The following RPA1 variants were observed in gnomAD, a reference collection of about 807,000 sequenced individuals.
The protein encoded by RPA1 is replication protein A 70 kDa DNA-binding subunit.
Under a neutral mutation model 83.0 loss-of-function variants are expected in RPA1, and 49 were observed. The observed-to-expected ratio is 0.59, with a 90% CI of 0.47 to 0.75. The LOEUF (loss-of-function observed/expected upper bound fraction) is 0.75. Ranked by LOEUF, RPA1 falls within the 30% of genes least tolerant of loss-of-function variation. The pLI, the probability that RPA1 is intolerant of heterozygous loss-of-function variation, is 0.00. For synonymous variants in RPA1, 279 were observed against 281.8 expected (o/e 0.99, Z 0.10); for missense variants, 693 against 776.1 (o/e 0.89, Z 1.27).
At chr17:1,838,149 G>A (rs1911893248) in intron 1 of RPA1, among the ~76,000 whole-genome samples, 1 of 151,454 alleles carries the variant, frequency 6.6e-6, no homozygotes, top group Non-Finnish European at 1.5e-5. Context: ...AAATTAGCTG[G>A]GCGTGGTGGC....
At position 1,830,381 on chromosome 17, in the gene RPA1, C is replaced by T. The variant is rs554436507; in HGVS notation, c.33+255C>T. ...AAACTAAATAAACGCTTGCCTTTCT[C>T]TGCATCTTCCACCTGCGGACACTTT... is the stretch of plus-strand genomic sequence containing the variant. On this transcript the variant is annotated intron_variant, in intron 1 of 16. Transcript: ENST00000254719. Among the ~76,000 whole-genome samples the T allele has an allele frequency of 7.9e-5, 12 of 152,366 alleles. No individual in the cohort carries two copies. In the South Asian group the frequency reaches 2.5e-3, roughly 32 times the overall value.
intron 5 of RPA1, among the ~76,000 whole-genome samples, chr17:1,868,222 A>G (rs1313242971): frequency 6.6e-6 from 1 of 152,060 alleles, no homozygotes; most frequent in Admixed American, 6.5e-5. Flanking sequence ...AGGATTACTT[A>G]CTCTCGAATT....
chr17:1,886,916 T>C (rs1914015864), intron 13 of RPA1, among the ~76,000 whole-genome samples: 1 of 152,036 alleles, frequency 6.6e-6, no homozygotes, highest in Non-Finnish European at 1.5e-5. Flanking sequence ...TGCCTCTGCC[T>C]CCCAAAGTGC....
At chr17:1,856,417 T>G (rs1303894223) in intron 5 of RPA1, among the ~76,000 whole-genome samples, 1 of 151,714 alleles carries the variant, frequency 6.6e-6, no homozygotes, top group African/African-American at 2.4e-5. Context: ...GCCAATATGG[T>G]GAAACCTTGT....
At chr17:1,872,181 A>G in intron 5 of RPA1, 1 of 514,186 alleles carries the variant, frequency 1.9e-6, no homozygotes, top group Non-Finnish European at 3.5e-6. Flanking sequence ...GGAGAACCTC[A>G]TTAACACTGA....
At chr17:1,864,365 C>T (rs929590436) in intron 5 of RPA1, among the ~76,000 whole-genome samples, 7 of 152,002 alleles carry the variant, frequency 4.6e-5, no homozygotes, top group Middle Eastern at 3.4e-3. Flanking sequence ...GGTGAAACCT[C>T]GTCTCTACTA....
At chr17:1,833,911 G>A (rs963190017) in intron 1 of RPA1, among the ~76,000 whole-genome samples, 24 of 152,218 alleles carry the variant, frequency 1.6e-4, no homozygotes, top group African/African-American at 5.5e-4. Context: ...GCCAGGCGCA[G>A]TGGCTCATGC....
chr17:1,843,706 CT>C (rs1226095683), intron 2 of RPA1, among the ~76,000 whole-genome samples: 1 of 151,480 alleles, frequency 6.6e-6, no homozygotes, highest in Non-Finnish European at 1.5e-5. Context: ...GCTCGTTTTA[CT>C]TCCCTCTCTG....
chr17:1,867,779 C>T (rs1329103072), intron 5 of RPA1, among the ~76,000 whole-genome samples: 1 of 151,634 alleles, frequency 6.6e-6, no homozygotes, highest in African/African-American at 2.4e-5. Context: ...ATTGCTTAGT[C>T]AGAAATACAG....
intron 5 of RPA1, among the ~76,000 whole-genome samples, chr17:1,861,100 C>T (rs1184239790): frequency 6.6e-6 from 1 of 152,152 alleles, no homozygotes; most frequent in Non-Finnish European, 1.5e-5. Context: ...TCAGATGATT[C>T]TCACCCTGGC....
intron 14 of RPA1, among the ~76,000 whole-genome samples, chr17:1,890,542 A>G (rs538759822): frequency 1.3e-5 from 2 of 150,968 alleles, no homozygotes; most frequent in African/African-American, 4.9e-5. Context: ...GGGCACCTGC[A>G]GTCCCAGCTA....
intron 1 of RPA1, among the ~76,000 whole-genome samples, chr17:1,838,109 T>C (rs1013869392): frequency 1.3e-5 from 2 of 150,992 alleles, no homozygotes; most frequent in Non-Finnish European, 2.9e-5. Context: ...CTGGCCAACA[T>C]GGAGAAATCC....
At chr17:1,853,951 T>G (rs550461511) in intron 5 of RPA1, among the ~76,000 whole-genome samples, 1 of 152,308 alleles carries the variant, frequency 6.6e-6, no homozygotes, top group East Asian at 1.9e-4. Context: ...AGAGATCATG[T>G]TTGTTCTAGT....
chr17:1,894,945 C>A, intron 15 of RPA1, 64 bp from the exon 16 acceptor site: 2 of 1,320,166 alleles, frequency 1.5e-6, no homozygotes, highest in South Asian at 1.2e-5. Context: ...TTTTAAAAGT[C>A]TTATCAGTAT....
At chr17:1,836,511 C>T (rs1249022545) in intron 1 of RPA1, among the ~76,000 whole-genome samples, 4 of 152,158 alleles carry the variant, frequency 2.6e-5, no homozygotes, top group South Asian at 2.1e-4. Flanking sequence ...CTTCCATCAA[C>T]GCACAACTCC....
At chr17:1,860,777 G>A (rs1016107399) in intron 5 of RPA1, among the ~76,000 whole-genome samples, 1 of 152,126 alleles carries the variant, frequency 6.6e-6, no homozygotes, top group African/African-American at 2.4e-5. Context: ...CCCTCGGACC[G>A]AATGCCAGAC....
intron 16 of RPA1, 89 bp downstream of exon 16, chr17:1,895,184 T>C (rs1208333916): frequency 9.7e-7 from 1 of 1,025,880 alleles, no homozygotes; most frequent in African/African-American, 1.6e-5. Flanking sequence ...GGCAGGGAGT[T>C]ACTGTACTCA....
At position 1,888,798 on chromosome 17, in the gene RPA1, T is replaced by C; in HGVS notation, c.1498T>C (p.Cys500Arg). 6.2e-7 allele frequency: 1 copy of C among 1,614,164 alleles called. No homozygotes were observed. Among genetic ancestry groups the C allele is most frequent in the Non-Finnish European group, 8.5e-7 (1 of 1,180,004 alleles). Reference protein sequence around the residue: ...VIDQQNGLYRCEKCDTEFPNF... With the variant: ...VIDQQNGLYRREKCDTEFPNF... ...TGATCAACAGAATGGATTGTACCGC[T>C]GTGAGAAGTGCGACACCGAATTTCC... is the stretch of plus-strand genomic sequence containing the variant. Residue 500 changes from cysteine to arginine, a missense_variant, in exon 14 of 17, where the codon TGT becomes CGT. Cys to Arg is a radical substitution (Grantham distance 180). Coordinates refer to ENST00000254719, the MANE Select transcript of RPA1 (RefSeq NM_002945.5).
At chr17:1,894,943 G>A (rs542843779) in intron 15 of RPA1, 66 bp from the exon 16 acceptor site, 1 of 1,306,320 alleles carries the variant, frequency 7.7e-7, no homozygotes, top group African/African-American at 1.5e-5. Context: ...CTTTTTAAAA[G>A]TCTTATCAGT....
Sources: allele counts gnomAD v4.1 joint callset (sites outside exome capture counted in the v4.1 genomes callset), GRCh38; gene constraint gnomAD v4.1.1; transcripts MANE v1.5; gene names NCBI Gene and HGNC (gene_info 2026-07-23, HGNC 2026-07-21).